The following KATNIP variants were observed in gnomAD, a reference collection of about 807,000 sequenced individuals.
The protein encoded by KATNIP is katanin-interacting protein.
Under a neutral mutation model 174.0 loss-of-function variants are expected in KATNIP, and 126 were observed. The ratio of observed to expected loss-of-function variants is 0.72; its 90% confidence interval spans 0.63 to 0.84. KATNIP has a LOEUF of 0.84. Ranked by LOEUF, KATNIP falls within the 40% of genes least tolerant of loss-of-function variation. The probability of loss-of-function intolerance (pLI) is 0.00; values close to 1 mark genes in which losing one functional copy is unlikely to be tolerated. For missense variants in KATNIP, 1,958 were observed against 2,109.7 expected (o/e 0.93, Z 1.41); for synonymous variants, 810 against 835.7 (o/e 0.97, Z 0.53).
intron 6 of KATNIP, among the ~76,000 whole-genome samples, chr16:27,675,691 T>C (rs1222154808): frequency 6.6e-6 from 1 of 152,170 alleles, no homozygotes; most frequent in Admixed American, 6.5e-5. Context: ...TGACAACCTT[T>C]CGTTTTGTTC....
chr16:27,766,408 G>A lies in KATNIP; in HGVS notation c.3909G>A (p.Arg1303=). Residue 1303 remains arginine, a synonymous_variant, in exon 20 of 28, where the codon AGG becomes AGA. Transcript: ENST00000261588. ...ATGTGGTCACGATCCGCCTGGACAG[G>A]GCCGAAAGCATCGCAGGCCTGCGCT... ...LDHVVTIRLD[R]AESIAGLRFW... 6.2e-7 allele frequency: 1 copy of A among 1,614,118 alleles called. No individual in the cohort carries two copies. Among genetic ancestry groups the A allele is most frequent in the Non-Finnish European group, 8.5e-7 (1 of 1,180,020 alleles).
chr16:27,633,550 C>T (rs919073886), intron 5 of KATNIP, among the ~76,000 whole-genome samples: 1 of 151,788 alleles, frequency 6.6e-6, no homozygotes, highest in South Asian at 2.1e-4. Context: ...CCTCGGCCTC[C>T]CAAAGTGCTG....
intron 18 of KATNIP, among the ~76,000 whole-genome samples, chr16:27,755,990 C>CT (rs1278293895): frequency 6.6e-6 from 1 of 152,066 alleles, no homozygotes; most frequent in Non-Finnish European, 1.5e-5. Flanking sequence ...AAGTCAAGAG[C>CT]CTCAGTGGTG....
rs538681080 is a variant in KATNIP, at chr16:27,673,847, A to G, written c.541-3882A>G. ...AGGTAAGTAACTTGCTAAGGGTCCC[A>G]TCACCAATGTCACCTCCAAGGTACA... On this transcript the variant is annotated intron_variant, in intron 6 of 27. Coordinates refer to ENST00000261588, the MANE Select transcript of KATNIP (RefSeq NM_015202.5). Among the ~76,000 whole-genome samples, 6 of 152,322 alleles carry G rather than the reference A, an allele frequency of 3.9e-5. No individual in the cohort carries two copies. In the South Asian group the frequency reaches 8.3e-4, roughly 21 times the overall value.
chr16:27,705,183 T>A (rs1007663779), intron 12 of KATNIP, among the ~76,000 whole-genome samples: 8 of 152,174 alleles, frequency 5.3e-5, no homozygotes, highest in African/African-American at 1.9e-4. Context: ...AGTGCTGGGA[T>A]TATAGGCGTG....
At chr16:27,682,151 C>T (rs929131274) in intron 8 of KATNIP, among the ~76,000 whole-genome samples, 1 of 152,148 alleles carries the variant, frequency 6.6e-6, no homozygotes, top group Non-Finnish European at 1.5e-5. Flanking sequence ...ATAATATGTG[C>T]AAATGGTACA....
In KATNIP at chr16:27,698,510, G is replaced by T. The variant is rs376063239; in HGVS notation, c.1113+10G>T. 301 of 1,596,152 alleles carry T rather than the reference G, an allele frequency of 1.9e-4. No homozygotes were observed. In the African/African-American group the frequency reaches 3.4e-3, roughly 18 times the overall value. On this transcript the variant is annotated intron_variant, in intron 9 of 27. Coordinates refer to ENST00000261588, the MANE Select transcript of KATNIP (RefSeq NM_015202.5). ...AGCCAGCCCACTGCAGGTGCGCTCC[G>T]GGCTGGGAGAGGAACCGGGGGATGC...
At chr16:27,712,817 A>T (rs2079633903) in intron 13 of KATNIP, among the ~76,000 whole-genome samples, 1 of 151,732 alleles carries the variant, frequency 6.6e-6, no homozygotes, top group Non-Finnish European at 1.5e-5. Context: ...TATTATTATT[A>T]TTTTTAGAGA....
chr16:27,651,877 G>A (rs1411169193), intron 6 of KATNIP, among the ~76,000 whole-genome samples: 5 of 152,108 alleles, frequency 3.3e-5, no homozygotes, highest in South Asian at 4.1e-4. Context: ...CAACCAGTAC[G>A]CCCCACTAAT....
rs149033392 is a variant in KATNIP, at chr16:27,698,505, G to T, written c.1113+5G>T. ...CAGCCAGCCAGCCCACTGCAGGTGC[G>T]CTCCGGGCTGGGAGAGGAACCGGGG... On this transcript the variant is annotated splice_donor_5th_base_variant and intron_variant, in intron 9 of 27. Transcript: ENST00000261588. 6.2e-7 allele frequency: 1 copy of T among 1,600,248 alleles called. No individual in the cohort carries two copies. Among genetic ancestry groups the T allele is most frequent in the South Asian group, 1.1e-5 (1 of 89,868 alleles).
intron 13 of KATNIP, among the ~76,000 whole-genome samples, chr16:27,713,980 C>G (rs2079809481): frequency 6.6e-6 from 1 of 150,740 alleles, no homozygotes; most frequent in African/African-American, 2.4e-5. Context: ...GGCCTCCGCC[C>G]CAACTCTGTC....
At chr16:27,564,233 T>A (rs1315495735) in intron 1 of KATNIP, among the ~76,000 whole-genome samples, 1 of 152,172 alleles carries the variant, frequency 6.6e-6, no homozygotes, top group Non-Finnish European at 1.5e-5. Context: ...GCTAAGTACC[T>A]ACTGTATGCA....
intron 8 of KATNIP, 22 bp downstream of exon 8, chr16:27,681,552 G>A (rs1219402960): frequency 2.5e-6 from 4 of 1,613,732 alleles, no homozygotes; most frequent in South Asian, 1.1e-5. Context: ...GGGGGCCCCT[G>A]AGCAGGGGAG....
chr16:27,633,222 A>G (rs923512864), intron 5 of KATNIP, among the ~76,000 whole-genome samples: 3 of 151,986 alleles, frequency 2.0e-5, no homozygotes, highest in African/African-American at 7.3e-5. Context: ...GTTGGCTGGG[A>G]TCTTGAGATT....
At chr16:27,600,378 C>T (rs2141933869) in intron 2 of KATNIP, among the ~76,000 whole-genome samples, 1 of 152,264 alleles carries the variant, frequency 6.6e-6, no homozygotes, top group South Asian at 2.1e-4. Flanking sequence ...AACCCCACTG[C>T]ACTGCCCTAC....
intron 8 of KATNIP, among the ~76,000 whole-genome samples, chr16:27,690,315 C>CAGAT (rs3056270): frequency 0.24 from 30,919 of 128,490 alleles, 3,855 homozygotes; most frequent in East Asian, 0.32. Flanking sequence ...GACCCCATCT[C>CAGAT]AGATAGATAG....
intron 1 of KATNIP, among the ~76,000 whole-genome samples, chr16:27,554,109 A>T (rs2089509881): frequency 6.6e-6 from 1 of 152,120 alleles, no homozygotes; most frequent in Non-Finnish European, 1.5e-5. Flanking sequence ...ACATTGTGGT[A>T]ACATTGCCTT....
chr16:27,713,904 A>T lies in KATNIP; in HGVS notation c.1605+4984A>T, dbSNP rs1475263428. 2.6e-4 allele frequency among the ~76,000 whole-genome samples: 33 copies of T among 127,748 alleles called. No individual in the cohort carries two copies. The Admixed American group carries it at 2.9e-3, about 11-fold the overall frequency. The allele number at this position is 127,748 out of a possible 152,430, so 83.8% of individuals were successfully genotyped here. A position where few individuals can be genotyped will look rare whatever the true frequency, so the allele number is the denominator to read the frequency against. On this transcript the variant is annotated intron_variant, in intron 13 of 27. Transcript: ENST00000261588. ...CCCTACTTGAAACATGTTCACTGTG[A>T]CTTCTGGTTACCCTTGGAAATAAAG...
At chr16:27,710,026 A>G (rs1014883002) in intron 13 of KATNIP, among the ~76,000 whole-genome samples, 1 of 152,086 alleles carries the variant, frequency 6.6e-6, no homozygotes, top group African/African-American at 2.4e-5. Flanking sequence ...CTAGGTCGTG[A>G]GGTGCACACT....
Sources: gnomAD v4.1 joint callset for allele counts (sites outside exome capture counted in the v4.1 genomes callset) on GRCh38, gnomAD v4.1.1 for gene constraint, MANE v1.5 for transcripts, NCBI Gene and HGNC (gene_info 2026-07-23, HGNC 2026-07-21) for gene names.